Variants in PTPRR observed in about 807,000 individuals in gnomAD.
The protein encoded by PTPRR is protein tyrosine phosphatase receptor type R.
PTPRR carries 38 observed loss-of-function variants against 77.2 expected under a neutral mutation model. The observed-to-expected ratio is 0.49, with a 90% CI of 0.38 to 0.65. PTPRR has a LOEUF of 0.65. Among genes scored for constraint, PTPRR ranks in the 30% least tolerant of loss-of-function variants. The pLI, the probability that PTPRR is intolerant of heterozygous loss-of-function variation, is 0.00. For missense variants in PTPRR, 744 were observed against 799.2 expected (o/e 0.93, Z 0.83); for synonymous variants, 299 against 283.1 (o/e 1.06, Z -0.57).
At chr12:70,821,737 C>T in intron 2 of PTPRR, among the ~76,000 whole-genome samples, 1 of 151,926 alleles carries the variant, frequency 6.6e-6, no homozygotes, top group East Asian at 2.0e-4. Flanking sequence ...TCTCGGCTCA[C>T]CACTGCAAGC....
chr12:70,833,342 G>A (rs952288262), intron 2 of PTPRR, among the ~76,000 whole-genome samples: 7 of 152,112 alleles, frequency 4.6e-5, no homozygotes, highest in South Asian at 2.1e-4. Context: ...ATAACAAGAG[G>A]GGCAGGAACA....
intron 10 of PTPRR, among the ~76,000 whole-genome samples, chr12:70,670,390 T>C (rs1169882237): frequency 6.6e-6 from 1 of 152,226 alleles, no homozygotes; most frequent in Non-Finnish European, 1.5e-5. Flanking sequence ...GATTGAAATT[T>C]GGACTCCATC....
chr12:70,838,717 C>T (rs1375072318), intron 2 of PTPRR, among the ~76,000 whole-genome samples: 1 of 152,104 alleles, frequency 6.6e-6, no homozygotes. Flanking sequence ...CAAACACAGA[C>T]ATAGAGTGAA....
chr12:70,693,699 T>C (rs1888132229), intron 8 of PTPRR, among the ~76,000 whole-genome samples: 1 of 150,150 alleles, frequency 6.7e-6, no homozygotes, highest in South Asian at 2.1e-4. Context: ...AATATATAGC[T>C]TGTACTAAAA....
At chr12:70,872,250 C>T (rs1892970544) in intron 2 of PTPRR, among the ~76,000 whole-genome samples, 2 of 152,050 alleles carry the variant, frequency 1.3e-5, no homozygotes, top group Admixed American at 6.5e-5. Flanking sequence ...CACATAATGG[C>T]ACATGAAGTA....
At position 70,761,529 on chromosome 12, in the gene PTPRR, T is replaced by G; in HGVS notation, c.569A>C (p.Asn190Thr). ...TAAACTTTGATGCAAAACATTGATA[T>G]TAAGTGAACGAAGAACTTCCTCAGA... ...LPSEEVLRSL[N>T]INVLHQSLSQ... The change falls in exon 4 of 14, where the codon AAT (asparagine) becomes ACT (threonine). Residue 190 changes from asparagine (N) to threonine (T), a missense_variant. By Grantham distance (65) the Asn-to-Thr change is moderately conservative. Around this residue, in one of 3 missense-constraint regions of PTPRR, gnomAD observed 570 missense variants for 573.2 expected, o/e 0.99. Coordinates refer to ENST00000283228, the MANE Select transcript of PTPRR (RefSeq NM_002849.4). 1 of 1,612,490 alleles carries G rather than the reference T, an allele frequency of 6.2e-7. No homozygotes were observed. The highest frequency in any genetic ancestry group is 1.1e-5 in the South Asian group (1 of 90,770).
At position 70,684,687 on chromosome 12, in the gene PTPRR, T is replaced by G; in HGVS notation, c.1359+17A>C. The G allele has an allele frequency of 1.3e-6, 2 of 1,501,352 alleles. No homozygotes were observed. The highest frequency in any genetic ancestry group is 1.8e-6 in the Non-Finnish European group (2 of 1,097,068). The allele number at this position is 1,501,352 out of a possible 1,614,324, so 93.0% of individuals were successfully genotyped here. A position where few individuals can be genotyped will look rare whatever the true frequency, so the allele number is the denominator to read the frequency against. On this transcript the variant is annotated intron_variant, in intron 9 of 13. Coordinates refer to ENST00000283228, the MANE Select transcript of PTPRR (RefSeq NM_002849.4). ...AATAGGAAGTCACCAGAAAGAAATT[T>G]GTACTTATTTACTTACCCTAATATA...
intron 2 of PTPRR, among the ~76,000 whole-genome samples, chr12:70,836,340 G>A (rs1892303180): frequency 6.9e-6 from 1 of 144,680 alleles, no homozygotes; most frequent in Admixed American, 7.0e-5. Flanking sequence ...GTGTGCTCTT[G>A]CTTCATCTGC....
chr12:70,741,955 T>G (rs189239664), intron 6 of PTPRR, among the ~76,000 whole-genome samples: 25 of 152,228 alleles, frequency 1.6e-4, no homozygotes, highest in African/African-American at 6.0e-4. Context: ...AGATGATTCT[T>G]GGGCATCTAA....
At chr12:70,764,824 G>T in intron 2 of PTPRR, 46 bp from the exon 3 acceptor site, 1 of 1,340,042 alleles carries the variant, frequency 7.5e-7, no homozygotes, top group Non-Finnish European at 1.1e-6. Flanking sequence ...GTATTAATTT[G>T]TATAGATGTA....
rs569482766 is a variant in PTPRR, at chr12:70,870,803, T to G, written c.357+21876A>C. Among the ~76,000 whole-genome samples the G allele has an allele frequency of 3.9e-5, 6 of 152,372 alleles. No homozygotes were observed. In the East Asian group the frequency reaches 1.2e-3, roughly 29 times the overall value. On this transcript the variant is annotated intron_variant, in intron 2 of 13. Coordinates refer to ENST00000283228, the MANE Select transcript of PTPRR (RefSeq NM_002849.4). ...CAGCAGTCTTCAGGCTCTGCAAAGATGCACAGTAACATTTTGACCAAGATT... is the reference window on the plus strand; with the variant it reads ...CAGCAGTCTTCAGGCTCTGCAAAGAGGCACAGTAACATTTTGACCAAGATT...
chr12:70,873,420 TA>T (rs1555181921), intron 2 of PTPRR, among the ~76,000 whole-genome samples: 2 of 152,170 alleles, frequency 1.3e-5, no homozygotes, highest in Non-Finnish European at 2.9e-5. Context: ...CCAGAATTCT[TA>T]AAATCCTTTT....
chr12:70,707,470 C>T (rs1003898979), intron 6 of PTPRR, among the ~76,000 whole-genome samples: 5 of 151,976 alleles, frequency 3.3e-5, no homozygotes, highest in African/African-American at 1.2e-4. Context: ...TTTTTTTAAA[C>T]ACTGTTTTCA....
intron 2 of PTPRR, among the ~76,000 whole-genome samples, chr12:70,813,841 C>G (rs1891852475): frequency 1.3e-5 from 2 of 152,210 alleles, no homozygotes; most frequent in South Asian, 2.1e-4. Flanking sequence ...ATCGCTTGCT[C>G]TACAGGGTTT....
intron 2 of PTPRR, among the ~76,000 whole-genome samples, chr12:70,768,898 A>C (rs1474578635): frequency 1.3e-5 from 2 of 151,664 alleles, no homozygotes; most frequent in Admixed American, 6.6e-5. Flanking sequence ...AACAGAGCCA[A>C]AGACAAAAAC....
intron 2 of PTPRR, among the ~76,000 whole-genome samples, chr12:70,768,691 G>A (rs1186921866): frequency 6.6e-6 from 1 of 152,096 alleles, no homozygotes; most frequent in Admixed American, 6.6e-5. Flanking sequence ...CCAAAGCCGG[G>A]CAGAGATACA....
intron 13 of PTPRR, among the ~76,000 whole-genome samples, chr12:70,646,550 T>A (rs1886205993): frequency 6.6e-6 from 1 of 152,132 alleles, no homozygotes; most frequent in Non-Finnish European, 1.5e-5. Flanking sequence ...AAGGAAAATG[T>A]CCTGGCAGCC....
intron 2 of PTPRR, among the ~76,000 whole-genome samples, chr12:70,860,658 T>C (rs1021294272): frequency 2.6e-5 from 4 of 152,174 alleles, no homozygotes; most frequent in Admixed American, 1.3e-4. Flanking sequence ...CAGCTCCATG[T>C]AGTGTTTTAC....
chr12:70,833,324 T>C (rs964915142), intron 2 of PTPRR, among the ~76,000 whole-genome samples: 2 of 152,122 alleles, frequency 1.3e-5, no homozygotes, highest in African/African-American at 4.8e-5. Context: ...CTGTCATTTG[T>C]TGAGACTATA....
Sources: allele counts gnomAD v4.1 joint callset (sites outside exome capture counted in the v4.1 genomes callset), GRCh38; gene constraint gnomAD v4.1.1; regional missense constraint gnomAD v4.1.1; transcripts MANE v1.5; gene names NCBI Gene and HGNC (gene_info 2026-07-23, HGNC 2026-07-21).